Variants in FYN observed in about 807,000 individuals in gnomAD.
The protein encoded by FYN is FYN proto-oncogene, Src family tyrosine kinase.
FYN carries 10 observed loss-of-function variants against 70.2 expected under a neutral mutation model. The ratio of observed to expected loss-of-function variants is 0.14; its 90% CI spans 0.09 to 0.24. The LOEUF (loss-of-function observed/expected upper bound fraction) is 0.24, where lower values mean the gene tolerates loss of function less well. Among genes scored for constraint, FYN ranks in the 10% least tolerant of loss-of-function variants. The probability of loss-of-function intolerance (pLI) is 1.00; values close to 1 mark genes in which losing one functional copy is unlikely to be tolerated. For synonymous variants in FYN, 236 were observed against 248.6 expected, an observed-to-expected ratio of 0.95 and a Z score of 0.48; for missense variants, 319 against 673.1, an observed-to-expected ratio of 0.47 and a Z score of 5.82.
At chr6:111,777,056 TCATCAAATGAC>T (rs1770970260) in intron 3 of FYN, among the ~76,000 whole-genome samples, 1 of 152,192 alleles carries the variant, frequency 6.6e-6, no homozygotes, top group Non-Finnish European at 1.5e-5. Flanking sequence ...ATCTTAGAGG[TCATCAAATGAC>T]TAACACATCT....
intron 3 of FYN, among the ~76,000 whole-genome samples, chr6:111,733,555 G>A (rs1188305991): frequency 1.3e-5 from 2 of 152,228 alleles, no homozygotes; most frequent in Non-Finnish European, 2.9e-5. Context: ...AGGATGCTGA[G>A]TAGCCCTGTG....
intron 2 of FYN, among the ~76,000 whole-genome samples, chr6:111,833,420 C>A (rs1773080561): frequency 6.6e-6 from 1 of 152,220 alleles, no homozygotes; most frequent in Non-Finnish European, 1.5e-5. Context: ...TCCATGCCAC[C>A]ATCAGTTTGA....
intron 2 of FYN, among the ~76,000 whole-genome samples, chr6:111,781,491 A>G (rs183148056): frequency 8.3e-4 from 127 of 152,184 alleles, no homozygotes; most frequent in African/African-American, 3.0e-3. Flanking sequence ...TCTTTCCTCA[A>G]CGGATGCACC....
chr6:111,835,679 GA>G, intron 2 of FYN, among the ~76,000 whole-genome samples: 1 of 152,304 alleles, frequency 6.6e-6, no homozygotes, highest in Non-Finnish European at 1.5e-5. Context: ...AGGGGAAGGG[GA>G]AGGGGTGTCT....
chr6:111,836,271 C>T (rs556268761), intron 2 of FYN, among the ~76,000 whole-genome samples: 69 of 152,114 alleles, frequency 4.5e-4, no homozygotes, highest in Non-Finnish European at 8.5e-4. Flanking sequence ...GGCGATATGA[C>T]GGAAAATATG....
At chr6:111,695,982 G>A (rs759518780) in intron 10 of FYN, among the ~76,000 whole-genome samples, 1 of 152,254 alleles carries the variant, frequency 6.6e-6, no homozygotes, top group South Asian at 2.1e-4. Context: ...ATAACCCTCC[G>A]TACCACCCTG....
chr6:111,691,180 C>A (rs1399782332), intron 12 of FYN, among the ~76,000 whole-genome samples: 1 of 152,162 alleles, frequency 6.6e-6, no homozygotes, highest in Non-Finnish European at 1.5e-5. Context: ...ACATGGGCTG[C>A]TGCTCAGTCC....
chr6:111,843,558 C>A (rs1251134274), intron 2 of FYN, among the ~76,000 whole-genome samples: 1 of 152,156 alleles, frequency 6.6e-6, no homozygotes, highest in African/African-American at 2.4e-5. Context: ...TCTTTGCTTG[C>A]CCAGATTAGT....
At chr6:111,799,838 T>A (rs1771927414) in intron 2 of FYN, among the ~76,000 whole-genome samples, 1 of 152,146 alleles carries the variant, frequency 6.6e-6, no homozygotes, top group Non-Finnish European at 1.5e-5. Context: ...CCTTGTTATG[T>A]GGGAGTCCCG....
chr6:111,673,743 C>T (rs779912592), intron 13 of FYN, among the ~76,000 whole-genome samples: 28 of 147,770 alleles, frequency 1.9e-4, no homozygotes, highest in Non-Finnish European at 3.0e-4. Context: ...AAAAGCAGAT[C>T]GTCCCTGTGC....
chr6:111,862,941 C>T (rs1322294093), intron 1 of FYN, among the ~76,000 whole-genome samples: 2 of 152,178 alleles, frequency 1.3e-5, no homozygotes, highest in East Asian at 3.8e-4. Flanking sequence ...TGCCAATTAA[C>T]GAGATGGTAA....
chr6:111,849,033 T>C (rs890341575), intron 1 of FYN, among the ~76,000 whole-genome samples: 60 of 152,322 alleles, frequency 3.9e-4, no homozygotes, highest in African/African-American at 1.4e-3. Flanking sequence ...TATATTATAT[T>C]GATATGCATA....
intron 2 of FYN, among the ~76,000 whole-genome samples, chr6:111,823,612 A>G (rs879309083): frequency 1.8e-4 from 27 of 152,188 alleles, no homozygotes; most frequent in Non-Finnish European, 3.4e-4. Flanking sequence ...AAAATATCCA[A>G]TATTTGAACT....
intron 13 of FYN, among the ~76,000 whole-genome samples, chr6:111,669,488 G>GC (rs1178315650): frequency 6.7e-6 from 1 of 150,058 alleles, no homozygotes; most frequent in East Asian, 1.9e-4. Context: ...ACCAGGTCCT[G>GC]CCAAATCCAC....
chr6:111,776,072 T>C (rs1228876156), intron 3 of FYN, among the ~76,000 whole-genome samples: 2 of 152,170 alleles, frequency 1.3e-5, no homozygotes, highest in African/African-American at 4.8e-5. Flanking sequence ...GCTAATTTTA[T>C]TTTGCAGACC....
intron 13 of FYN, among the ~76,000 whole-genome samples, chr6:111,664,064 CTGTTTT>C (rs1183068555): frequency 1.3e-5 from 2 of 152,100 alleles, no homozygotes; most frequent in Non-Finnish European, 2.9e-5. Context: ...AGGCTATTTA[CTGTTTT>C]TATTTCTTCA....
At chr6:111,816,251 C>CA (rs1772486520) in intron 2 of FYN, among the ~76,000 whole-genome samples, 1 of 151,918 alleles carries the variant, frequency 6.6e-6, no homozygotes, top group Non-Finnish European at 1.5e-5. Context: ...ATATTTAACT[C>CA]AAAGGGTTAT....
chr6:111,713,542 AC>A (rs928036048), intron 5 of FYN, among the ~76,000 whole-genome samples: 5 of 148,662 alleles, frequency 3.4e-5, no homozygotes, highest in Admixed American at 6.7e-5. Context: ...GTGGAACCCC[AC>A]CCCCCCACAC....
chr6:111,684,723 C>T (rs1284896226), intron 12 of FYN, among the ~76,000 whole-genome samples: 1 of 152,076 alleles, frequency 6.6e-6, no homozygotes, highest in East Asian at 1.9e-4. Flanking sequence ...CTTATGGGGG[C>T]AACACAAAAG....
Sources: allele counts gnomAD v4.1 joint callset (sites outside exome capture counted in the v4.1 genomes callset), GRCh38; gene constraint gnomAD v4.1.1; transcripts MANE v1.5; gene names NCBI Gene and HGNC (gene_info 2026-07-23, HGNC 2026-07-21).